The following VPS26C variants were observed in gnomAD, a reference collection of about 807,000 sequenced individuals.
VPS26C encodes vacuolar protein sorting-associated protein 26C.
In VPS26C, 19 loss-of-function variants were observed where a neutral mutation model predicts 30.6. The ratio of observed to expected loss-of-function variants is 0.62; its 90% CI spans 0.43 to 0.91. VPS26C has a LOEUF of 0.91. Ranked by LOEUF, VPS26C falls within the 40% of genes least tolerant of loss-of-function variation. The pLI, the probability that VPS26C is intolerant of heterozygous loss-of-function variation, is 0.00. For missense variants in VPS26C, 318 were observed against 385.1 expected, an observed-to-expected ratio of 0.83 and a Z score of 1.46; for synonymous variants, 132 against 151.5, an observed-to-expected ratio of 0.87 and a Z score of 0.95.
chr21:37,234,539 A>G (rs530719369), intron 3 of VPS26C, among the ~76,000 whole-genome samples: 1 of 152,370 alleles, frequency 6.6e-6, no homozygotes, highest in Admixed American at 6.5e-5. Context: ...GTAATTCTAC[A>G]GCAGGACCAC....
intron 5 of VPS26C, chr21:37,229,413 C>T (rs1440777212): frequency 2.0e-5 from 3 of 152,164 alleles, no homozygotes; most frequent in African/African-American, 4.8e-5. Flanking sequence ...TTGGTCTAGA[C>T]AGAGACAATT....
intron 1 of VPS26C, among the ~76,000 whole-genome samples, chr21:37,251,421 T>C (rs1320080316): frequency 2.6e-5 from 4 of 152,224 alleles, no homozygotes; most frequent in African/African-American, 9.6e-5. Context: ...TGACTCCTTA[T>C]TGCATATGAA....
At chr21:37,225,658 C>T (rs778599814) in intron 7 of VPS26C, 32 bp from the exon 8 acceptor site, 2 of 1,579,064 alleles carry the variant, frequency 1.3e-6, no homozygotes, top group East Asian at 2.2e-5. Flanking sequence ...GGTTTGTGCT[C>T]ACTGTTACCA....
chr21:37,239,148 A>C (rs1353160312), intron 2 of VPS26C, among the ~76,000 whole-genome samples: 2 of 152,240 alleles, frequency 1.3e-5, no homozygotes, highest in African/African-American at 4.8e-5. Context: ...AAGGAGGAGC[A>C]GGAGGGTACT....
Position 37,267,281 on chromosome 21 carries a change from A to T in VPS26C, c.14T>A (p.Leu5Gln). ...ATTCGCTCTTTTAATCTTGATGTCCAGGGCGGTCCCCATCTCCAATTCTCC... is the reference window on the plus strand; with the variant it reads ...ATTCGCTCTTTTAATCTTGATGTCCTGGGCGGTCCCCATCTCCAATTCTCC... MGTALDIKIKRANKV... is the reference protein window; with the variant it reads MGTAQDIKIKRANKV... Residue 5 changes from leucine to glutamine, a missense_variant, in exon 1 of 8, where the codon CTG becomes CAG. Leu to Gln is a moderately radical substitution (Grantham distance 113, BLOSUM62 -2). Coordinates refer to ENST00000309117, the MANE Select transcript of VPS26C (RefSeq NM_006052.2). 1 of 1,524,788 alleles carries T rather than the reference A, an allele frequency of 6.6e-7. No homozygotes were observed. Among genetic ancestry groups the T allele is most frequent in the East Asian group, 2.7e-5 (1 of 37,608 alleles). The allele number at this position is 1,524,788 out of a possible 1,614,324, so 94.5% of individuals were successfully genotyped here.
At chr21:37,230,703 TG>T (rs2085952514) in intron 5 of VPS26C, 1 of 152,292 alleles carries the variant, frequency 6.6e-6, no homozygotes, top group Non-Finnish European at 1.5e-5. Context: ...CGGCAGAAAG[TG>T]GACAGACAAT....
rs189635690 is a variant in VPS26C, at chr21:37,228,562, C to T, written c.508-189G>A. On this transcript the variant is annotated intron_variant, in intron 5 of 7. Coordinates refer to ENST00000309117, the MANE Select transcript of VPS26C (RefSeq NM_006052.2). The stretch of plus-strand genomic sequence containing the variant: ...GACATTAGCCGGCTGAATTATTCAA[C>T]GACTCTCTACATATGGCACCTGACT... The T allele has an allele frequency of 3.7e-3, 2,180 of 586,284 alleles. 30 individuals are homozygous for T. Among genetic ancestry groups the T allele is most frequent in the South Asian group, 0.018 (894 of 50,500 alleles). The allele number at this position is 586,284 out of a possible 1,614,324, so 36.3% of individuals were successfully genotyped here.
chr21:37,258,461 G>A (rs1387243001), intron 1 of VPS26C, among the ~76,000 whole-genome samples: 5 of 152,238 alleles, frequency 3.3e-5, no homozygotes, highest in African/African-American at 4.8e-5. Context: ...TGATGAACGC[G>A]CGGTGGGGAC....
Position 37,224,203 on chromosome 21 carries a change from A to G in VPS26C, c.*1341T>C, listed in dbSNP as rs1660375228. On this transcript the variant is annotated 3_prime_UTR_variant, in exon 8 of 8. Transcript: ENST00000309117. ...CCAGTAACAACAGGAGCAAACATAC[A>G]TGTTTTCCCCTCATGTAACTTTGCA... 1 of 152,184 alleles carries G rather than the reference A, an allele frequency of 6.6e-6. No homozygotes were observed. The highest frequency in any genetic ancestry group is 1.9e-4 in the East Asian group (1 of 5,204). The allele number at this position is 152,184 out of a possible 1,614,324, so 9.4% of individuals were successfully genotyped here.
At chr21:37,231,408 A>C (rs1602264402) in intron 5 of VPS26C, 3 of 152,334 alleles carry the variant, frequency 2.0e-5, no homozygotes, top group Middle Eastern at 6.7e-3. Context: ...CGGGAGTCTG[A>C]GTGGCCCACT....
At position 37,227,711 on chromosome 21, in the gene VPS26C, T is replaced by G. The variant is rs758272643; in HGVS notation, c.754A>C (p.Met252Leu). The G allele has an allele frequency of 6.2e-7, 1 of 1,614,104 alleles. No individual in the cohort carries two copies. The highest frequency in any genetic ancestry group is 8.5e-7 in the Non-Finnish European group (1 of 1,180,006). The change falls in exon 7 of 8, where the codon ATG becomes CTG. Residue 252 changes from methionine to leucine, a missense_variant. By Grantham distance (15) the Met-to-Leu change is conservative. Transcript: ENST00000309117. ...VCRGLSVPIY[M>L]VFPRLFTCPT... ...CAGGTGAACAGCCTAGGGAAGACCATGTAGATGGGGACAGAGAGGCCCCTG... is the reference window on the plus strand; with the variant it reads ...CAGGTGAACAGCCTAGGGAAGACCAGGTAGATGGGGACAGAGAGGCCCCTG...
intron 1 of VPS26C, among the ~76,000 whole-genome samples, chr21:37,245,789 C>T (rs901947599): frequency 5.3e-5 from 8 of 151,866 alleles, no homozygotes; most frequent in Non-Finnish European, 7.4e-5. Context: ...TTGTAAAGTC[C>T]GATGAGACAA....
chr21:37,227,753 C>T lies in VPS26C; in HGVS notation c.712G>A (p.Ala238Thr), dbSNP rs766381193. 2.0e-5 allele frequency: 32 copies of T among 1,614,060 alleles called. No individual in the cohort carries two copies. The highest frequency in any genetic ancestry group is 2.7e-5 in the African/African-American group (2 of 74,930). ...DATEIQNIQI[A>T]DGDVCRGLSV... ...AGGCCCCTGCACACATCCCCGTCGG[C>T]GATCTGAATGTTCTGAATCTCCGTG... Residue 238 changes from alanine (A) to threonine (T), a missense_variant, in exon 7 of 8, where the codon GCC becomes ACC. Coordinates refer to ENST00000309117, the MANE Select transcript of VPS26C (RefSeq NM_006052.2).
intron 1 of VPS26C, among the ~76,000 whole-genome samples, chr21:37,256,686 G>A (rs1258809088): frequency 6.6e-6 from 1 of 152,138 alleles, no homozygotes; most frequent in African/African-American, 2.4e-5. Flanking sequence ...AAAAAGCCCA[G>A]GCAGTCTTTT....
At chr21:37,255,399 T>C (rs1359972500) in intron 1 of VPS26C, among the ~76,000 whole-genome samples, 1 of 152,132 alleles carries the variant, frequency 6.6e-6, no homozygotes, top group Admixed American at 6.5e-5. Flanking sequence ...GACACTGTCA[T>C]GGGGGAACGG....
In VPS26C at chr21:37,252,015, G is replaced by A. The variant is rs930175337; in HGVS notation, c.58-11376C>T. Among the ~76,000 whole-genome samples, 5 of 152,154 alleles carry A rather than the reference G, an allele frequency of 3.3e-5. No homozygotes were observed. In the East Asian group the frequency reaches 5.8e-4, roughly 18 times the overall value. On this transcript the variant is annotated intron_variant, in intron 1 of 7. Transcript: ENST00000309117. ...CAGCCCATCTTCGTTCCCCACAGTC[G>A]TGTGCATATATCTGAACAAGGCCTT...
intron 1 of VPS26C, among the ~76,000 whole-genome samples, chr21:37,259,898 G>C: frequency 6.6e-6 from 1 of 152,142 alleles, no homozygotes; most frequent in African/African-American, 2.4e-5. Context: ...AACAGACTTC[G>C]GAGCGTGGAA....
upstream of VPS26C, chr21:37,267,369 G>T: frequency 1.5e-6 from 2 of 1,355,390 alleles, no homozygotes; most frequent in Non-Finnish European, 2.1e-6. Flanking sequence ...TCCCCGCTTC[G>T]TTCTGGGCCC....
At position 37,240,600 on chromosome 21, in the gene VPS26C, A is replaced by T; in HGVS notation, c.97T>A (p.Ser33Thr). The T allele has an allele frequency of 6.2e-7, 1 of 1,614,224 alleles. No individual in the cohort carries two copies. The highest frequency in any genetic ancestry group is 1.7e-5 in the Admixed American group (1 of 60,022). ...AAAGACACTCCCTGGTGTTGGACTG[A>T]ATCCTTACTCGATATGACCACCACG... ...SGVVVISSKD[S>T]VQHQGVSLTM... The change falls in exon 2 of 8, where the codon TCA becomes ACA. Residue 33 changes from serine (S) to threonine (T), a missense_variant. Ser to Thr is a moderately conservative substitution (Grantham distance 58). Transcript: ENST00000309117.
Sources: allele counts gnomAD v4.1 joint callset (sites outside exome capture counted in the v4.1 genomes callset), GRCh38; gene constraint gnomAD v4.1.1; transcripts MANE v1.5; gene names NCBI Gene and HGNC (gene_info 2026-07-23, HGNC 2026-07-21).